Variants in PSMB1 observed in about 807,000 individuals in gnomAD.
PSMB1 encodes the protein proteasome 20S subunit beta 1, also known as proteasome subunit beta type-1.
Under a neutral mutation model 25.4 loss-of-function variants are expected in PSMB1, and 7 were observed. That is an observed-to-expected ratio of 0.28 (90% CI 0.16 to 0.52). The LOEUF (loss-of-function observed/expected upper bound fraction) is 0.52, where lower values mean the gene tolerates loss of function less well. Among genes scored for constraint, PSMB1 ranks in the 20% least tolerant of loss-of-function variants. PSMB1 has a pLI of 0.97. For synonymous variants in PSMB1, 119 were observed against 115.0 expected, an observed-to-expected ratio of 1.03 and a Z score of -0.22; for missense variants, 284 against 302.2, an observed-to-expected ratio of 0.94 and a Z score of 0.45.
intron 1 of PSMB1, among the ~76,000 whole-genome samples, chr6:170,552,518 TA>T (rs5881875): frequency 0.52 from 78,085 of 149,556 alleles, 20,721 homozygotes; most frequent in East Asian, 0.78. Context: ...AGCTAAACGT[TA>T]AAAAAAAAAA....
intron 4 of PSMB1, among the ~76,000 whole-genome samples, chr6:170,541,282 A>C (rs929252426): frequency 2.0e-5 from 3 of 152,180 alleles, no homozygotes; most frequent in African/African-American, 7.2e-5. Context: ...GTTTAAAGAA[A>C]TCTGAGCCAA....
At chr6:170,552,820 G>A (rs1005746497) in intron 1 of PSMB1, among the ~76,000 whole-genome samples, 1 of 152,234 alleles carries the variant, frequency 6.6e-6, no homozygotes, top group Non-Finnish European at 1.5e-5. Flanking sequence ...CTACTTTACT[G>A]TCTTACAGCA....
At chr6:170,552,317 A>T (rs1449705356) in intron 1 of PSMB1, among the ~76,000 whole-genome samples, 6 of 152,248 alleles carry the variant, frequency 3.9e-5, no homozygotes, top group Non-Finnish European at 1.5e-5. Flanking sequence ...TTCAATTTAC[A>T]GCTCTTCCCT....
chr6:170,551,735 A>G (rs75505086), intron 1 of PSMB1, among the ~76,000 whole-genome samples: 6,243 of 152,314 alleles, frequency 0.041, 158 homozygotes, highest in Middle Eastern at 0.085. Context: ...ATAGCTATGA[A>G]TTAAGTCCTG....
At chr6:170,536,180 G>A (rs1001267252) in intron 5 of PSMB1, 17 of 321,716 alleles carry the variant, frequency 5.3e-5, no homozygotes, top group East Asian at 4.7e-4. Flanking sequence ...TTGGAGACTC[G>A]CAACACTTTG....
At chr6:170,552,053 G>A (rs1778909932) in intron 1 of PSMB1, among the ~76,000 whole-genome samples, 1 of 152,124 alleles carries the variant, frequency 6.6e-6, no homozygotes, top group Non-Finnish European at 1.5e-5. Flanking sequence ...AATTTATGAG[G>A]AACCAATTAA....
At chr6:170,550,446 C>G (rs980667025) in intron 1 of PSMB1, 1 of 152,250 alleles carries the variant, frequency 6.6e-6, no homozygotes, top group African/African-American at 2.4e-5. Context: ...CAAGAATGAT[C>G]TGTAGTTGTA....
At chr6:170,547,958 T>G (rs1051362172) in intron 2 of PSMB1, among the ~76,000 whole-genome samples, 1 of 151,010 alleles carries the variant, frequency 6.6e-6, no homozygotes, top group Non-Finnish European at 1.5e-5. Context: ...TAAAAGCTAG[T>G]ACAAGGATGG....
intron 5 of PSMB1, among the ~76,000 whole-genome samples, chr6:170,535,973 G>A (rs148928848): frequency 4.6e-5 from 7 of 152,328 alleles, no homozygotes; most frequent in Non-Finnish European, 8.8e-5. Flanking sequence ...TGAGCAGGAG[G>A]AATTAGGGAA....
At chr6:170,544,877 C>G (rs1248189976) in intron 3 of PSMB1, among the ~76,000 whole-genome samples, 1 of 152,092 alleles carries the variant, frequency 6.6e-6, no homozygotes, top group Non-Finnish European at 1.5e-5. Flanking sequence ...CAGTGGCTCA[C>G]TGCTGGCCTG....
At chr6:170,547,864 A>G (rs1027210082) in intron 2 of PSMB1, among the ~76,000 whole-genome samples, 3 of 137,276 alleles carry the variant, frequency 2.2e-5, no homozygotes, top group South Asian at 2.3e-4. Flanking sequence ...CTCTATCTCT[A>G]TATCTGACGT....
rs1445221622 is a variant in PSMB1 at position 170,535,372 on chromosome 6, C to T, written c.574G>A (p.Val192Ile). 1 of 1,613,912 alleles carries T rather than the reference C, an allele frequency of 6.2e-7. No individual in the cohort carries two copies. The highest frequency in any genetic ancestry group is 2.2e-5 in the East Asian group (1 of 44,872). Residue 192 changes from valine (V) to isoleucine (I), a missense_variant, in exon 6 of 6, where the codon GTT (valine) becomes ATT (isoleucine). By Grantham distance (29) the Val-to-Ile change is conservative. Coordinates refer to ENST00000262193, the MANE Select transcript of PSMB1 (RefSeq NM_002793.4). Reference protein sequence around the residue: ...GFKNMQNVEHVPLSLDRAMRL... With the variant: ...GFKNMQNVEHIPLSLDRAMRL... The stretch of plus-strand genomic sequence containing the variant: ...ATGGCTCTGTCCAAGGACAGCGGAA[C>T]ATGCTCCACATTCTGCATGTTCTTA...
intron 3 of PSMB1, 94 bp from the exon 4 acceptor site, chr6:170,543,824 C>A: frequency 1.7e-6 from 2 of 1,197,498 alleles, no homozygotes; most frequent in Non-Finnish European, 2.2e-6. Flanking sequence ...TAAATGCATA[C>A]CACAGTGGAA....
At chr6:170,549,441 C>A in intron 1 of PSMB1, 1 of 220,340 alleles carries the variant, frequency 4.5e-6, no homozygotes, top group Non-Finnish European at 9.0e-6. Context: ...CACATCTGTG[C>A]CCTTGAGGAT....
chr6:170,546,067 A>G, intron 3 of PSMB1, 36 bp downstream of exon 3: 1 of 1,532,994 alleles, frequency 6.5e-7, no homozygotes, highest in South Asian at 1.2e-5. Context: ...ATTACTATTA[A>G]TTTAAAATAG....
At chr6:170,536,586 G>A (rs1583111941) in intron 5 of PSMB1, 1 of 434,084 alleles carries the variant, frequency 2.3e-6, no homozygotes, top group South Asian at 1.7e-5. Flanking sequence ...TAAACTTACA[G>A]TATCAACAAA....
At chr6:170,540,203 G>C (rs1186679135) in intron 4 of PSMB1, among the ~76,000 whole-genome samples, 1 of 152,108 alleles carries the variant, frequency 6.6e-6, no homozygotes, top group Non-Finnish European at 1.5e-5. Context: ...GTTTCAATAT[G>C]GAGCACTGCT....
intron 4 of PSMB1, among the ~76,000 whole-genome samples, chr6:170,543,158 G>A (rs776026497): frequency 6.6e-6 from 1 of 152,156 alleles, no homozygotes; most frequent in Admixed American, 6.5e-5. Context: ...CAAAATCAGA[G>A]AGGTGTTTCA....
intron 5 of PSMB1, 80 bp downstream of exon 5, chr6:170,537,154 G>T (rs1778704641): frequency 9.3e-7 from 1 of 1,078,362 alleles, no homozygotes; most frequent in East Asian, 2.4e-5. Context: ...TAATGAAGAG[G>T]AGAACTTGGA....
Sources: allele counts gnomAD v4.1 joint callset (sites outside exome capture counted in the v4.1 genomes callset), GRCh38; gene constraint gnomAD v4.1.1; transcripts MANE v1.5; gene names NCBI Gene and HGNC (gene_info 2026-07-23, HGNC 2026-07-21).